DGKI: variants seen among roughly 807,000 people sequenced by gnomAD.
The protein encoded by DGKI is diacylglycerol kinase iota.
In DGKI, 55 loss-of-function variants were observed where a neutral mutation model predicts 147.5. That is an observed-to-expected ratio of 0.37 (90% CI 0.30 to 0.47). The LOEUF (loss-of-function observed/expected upper bound fraction) is 0.47. Ranked by LOEUF, DGKI falls within the 20% of genes least tolerant of loss-of-function variation. The pLI is 1.00. For synonymous variants in DGKI, 469 were observed against 477.1 expected, an observed-to-expected ratio of 0.98 and a Z score of 0.22; for missense variants, 1,007 against 1,323.8, an observed-to-expected ratio of 0.76 and a Z score of 3.71.
intron 17 of DGKI, among the ~76,000 whole-genome samples, chr7:137,575,774 A>G (rs1465917848): frequency 6.6e-6 from 1 of 152,204 alleles, no homozygotes; most frequent in Non-Finnish European, 1.5e-5. Flanking sequence ...TACTTGCTTT[A>G]TATTTTTATT....
intron 20 of DGKI, among the ~76,000 whole-genome samples, chr7:137,534,879 A>G (rs913173295): frequency 1.9e-4 from 29 of 152,130 alleles, no homozygotes; most frequent in Non-Finnish European, 8.8e-5. Context: ...GAAGTAATTA[A>G]GTTTAAATGA....
intron 30 of DGKI, among the ~76,000 whole-genome samples, chr7:137,399,211 T>C (rs1811660002): frequency 6.6e-6 from 1 of 152,132 alleles, no homozygotes; most frequent in African/African-American, 2.4e-5. Context: ...CTTATTTGGT[T>C]CTATCCTCAT....
At chr7:137,718,832 C>T (rs188011214) in intron 1 of DGKI, among the ~76,000 whole-genome samples, 1 of 152,300 alleles carries the variant, frequency 6.6e-6, no homozygotes, top group East Asian at 1.9e-4. Context: ...AGATTAAAGG[C>T]TGCCTGCCAT....
chr7:137,734,491 T>C (rs1388114710), intron 1 of DGKI, among the ~76,000 whole-genome samples: 1 of 152,002 alleles, frequency 6.6e-6, no homozygotes, highest in East Asian at 1.9e-4. Context: ...CTCTTCGTCA[T>C]ATCTTTTAGA....
chr7:137,640,463 A>G (rs1821584991), intron 6 of DGKI, among the ~76,000 whole-genome samples: 1 of 152,148 alleles, frequency 6.6e-6, no homozygotes, highest in Non-Finnish European at 1.5e-5. Flanking sequence ...TCCTGAGGCT[A>G]CTGGGAGAGG....
intron 29 of DGKI, among the ~76,000 whole-genome samples, chr7:137,408,933 A>G (rs1412735680): frequency 6.6e-6 from 1 of 152,242 alleles, no homozygotes; most frequent in Non-Finnish European, 1.5e-5. Flanking sequence ...CAAAAGGAAC[A>G]CATTATCTCT....
intron 6 of DGKI, among the ~76,000 whole-genome samples, chr7:137,636,203 C>G (rs11971016): frequency 0.055 from 8,367 of 152,220 alleles, 713 homozygotes; most frequent in African/African-American, 0.18. Flanking sequence ...ACCAGGGAAT[C>G]AGACTGCAGA....
chr7:137,413,200 G>T (rs994861227), intron 28 of DGKI, among the ~76,000 whole-genome samples: 3 of 151,050 alleles, frequency 2.0e-5, no homozygotes, highest in Admixed American at 6.6e-5. Flanking sequence ...TCGAGAGGTG[G>T]AGTTGCAGTG....
At chr7:137,751,841 G>C (rs141784611) in intron 1 of DGKI, among the ~76,000 whole-genome samples, 1 of 152,092 alleles carries the variant, frequency 6.6e-6, no homozygotes, top group African/African-American at 2.4e-5. Flanking sequence ...CCTGTACGCT[G>C]TCATTTTCTA....
chr7:137,420,133 A>C (rs192108877), intron 28 of DGKI, among the ~76,000 whole-genome samples: 1 of 150,250 alleles, frequency 6.7e-6, no homozygotes, highest in Non-Finnish European at 1.5e-5. Context: ...GGATCCTCTC[A>C]TGTGGGATTC....
chr7:137,705,851 G>A (rs1177734041), intron 1 of DGKI, among the ~76,000 whole-genome samples: 1 of 152,044 alleles, frequency 6.6e-6, no homozygotes, highest in Non-Finnish European at 1.5e-5. Flanking sequence ...ATGTGATCAT[G>A]AAATTAAATA....
intron 20 of DGKI, among the ~76,000 whole-genome samples, chr7:137,545,575 C>T (rs888097682): frequency 1.2e-4 from 18 of 152,042 alleles, no homozygotes; most frequent in African/African-American, 4.3e-4. Context: ...ATCTCTGAGC[C>T]GTAAGTAATG....
intron 1 of DGKI, among the ~76,000 whole-genome samples, chr7:137,802,802 C>T (rs918187940): frequency 6.6e-6 from 1 of 152,166 alleles, no homozygotes; most frequent in African/African-American, 2.4e-5. Context: ...AATCTAACAC[C>T]TGGCTGTTCC....
intron 1 of DGKI, among the ~76,000 whole-genome samples, chr7:137,824,989 T>C (rs1464630654): frequency 1.3e-5 from 2 of 152,220 alleles, no homozygotes; most frequent in Non-Finnish European, 1.5e-5. Flanking sequence ...TTCCATGTCT[T>C]TGCTATTGTG....
intron 1 of DGKI, among the ~76,000 whole-genome samples, chr7:137,817,431 A>G (rs1016058258): frequency 6.6e-6 from 1 of 152,260 alleles, no homozygotes; most frequent in Non-Finnish European, 1.5e-5. Context: ...ACTCTCAAAT[A>G]ATACTAAAGG....
chr7:137,791,487 C>T (rs1796853739), intron 1 of DGKI, among the ~76,000 whole-genome samples: 1 of 152,136 alleles, frequency 6.6e-6, no homozygotes, highest in African/African-American at 2.4e-5. Context: ...AATAAAAGGA[C>T]CCAAGGCAAT....
chr7:137,809,225 T>C (rs1047578417), intron 1 of DGKI, among the ~76,000 whole-genome samples: 6 of 152,106 alleles, frequency 3.9e-5, no homozygotes, highest in Admixed American at 6.5e-5. Context: ...ACAGTATGGA[T>C]TGAAATGAAG....
chr7:137,729,923 C>T (rs1348272044), intron 1 of DGKI, among the ~76,000 whole-genome samples: 1 of 152,048 alleles, frequency 6.6e-6, no homozygotes, highest in Non-Finnish European at 1.5e-5. Context: ...ACTGATCAAA[C>T]GTAGTGGTTT....
intron 19 of DGKI, among the ~76,000 whole-genome samples, chr7:137,557,197 C>G (rs1377081600): frequency 6.6e-6 from 1 of 152,134 alleles, no homozygotes; most frequent in African/African-American, 2.4e-5. Context: ...CCCTTTTGTT[C>G]TGTTTCTTTG....
Sources: gnomAD v4.1 joint callset for allele counts (sites outside exome capture counted in the v4.1 genomes callset) on GRCh38, gnomAD v4.1.1 for gene constraint, MANE v1.5 for transcripts, NCBI Gene and HGNC (gene_info 2026-07-23, HGNC 2026-07-21) for gene names.